PDS5B: variants seen among roughly 807,000 people sequenced by gnomAD.
PDS5B encodes PDS5 cohesin associated factor B, also known as sister chromatid cohesion protein PDS5 homolog B.
Under a neutral mutation model 184.1 loss-of-function variants are expected in PDS5B, and 51 were observed. The ratio of observed to expected loss-of-function variants is 0.28; its 90% CI spans 0.22 to 0.35. The LOEUF (loss-of-function observed/expected upper bound fraction) is 0.35. Among genes scored for constraint, PDS5B ranks in the 10% least tolerant of loss-of-function variants. PDS5B has a pLI of 1.00. For missense variants in PDS5B, 1,180 were observed against 1,723.3 expected (o/e 0.68, Z 5.58); for synonymous variants, 566 against 569.2 (o/e 0.99, Z 0.08).
intron 1 of PDS5B, among the ~76,000 whole-genome samples, chr13:32,610,534 T>G (rs768072036): frequency 3.9e-5 from 6 of 152,206 alleles, no homozygotes; most frequent in Non-Finnish European, 8.8e-5. Flanking sequence ...ATCTTTTCCT[T>G]CTTACACTTG....
At position 32,759,645 on chromosome 13, in the gene PDS5B, A is replaced by G; in HGVS notation, c.3327A>G (p.Lys1109=). 5 of 1,563,220 alleles carry G rather than the reference A, an allele frequency of 3.2e-6. No homozygotes were observed. Among genetic ancestry groups the G allele is most frequent in the Non-Finnish European group, 4.4e-6 (5 of 1,143,214 alleles). The change falls in exon 29 of 35, where the codon AAA becomes AAG. Residue 1109 remains lysine, a synonymous_variant. Coordinates refer to ENST00000315596, the MANE Select transcript of PDS5B (RefSeq NM_015032.4). ...TQPDKNFSNT[K]NYLPPEMKSF... ...GGTTGTAGAATTTCAGTAACACCAAAAATTATCTGCCTCCTGAAATGAAAT... is the reference window on the plus strand; with the variant it reads ...GGTTGTAGAATTTCAGTAACACCAAGAATTATCTGCCTCCTGAAATGAAAT...
At chr13:32,693,497 T>C (rs1373220797) in intron 13 of PDS5B, among the ~76,000 whole-genome samples, 1 of 151,800 alleles carries the variant, frequency 6.6e-6, no homozygotes, top group Non-Finnish European at 1.5e-5. Context: ...TACTGCTTTT[T>C]GGCAGTGCTT....
intron 13 of PDS5B, chr13:32,691,058 A>C (rs1263602561): frequency 6.6e-6 from 1 of 152,062 alleles, no homozygotes; most frequent in Non-Finnish European, 1.5e-5. Flanking sequence ...AAGCATAGTA[A>C]TAAAGTAAAA....
chr13:32,648,648 A>G (rs1204582563), intron 1 of PDS5B, 106 bp from the exon 2 acceptor site: 4 of 591,232 alleles, frequency 6.8e-6, no homozygotes, highest in African/African-American at 1.9e-5. Flanking sequence ...ACTATAAATT[A>G]GGAGGTAGTT....
intron 12 of PDS5B, among the ~76,000 whole-genome samples, 163 bp from the exon 13 acceptor site, chr13:32,688,293 C>T (rs914726103): frequency 6.6e-6 from 1 of 151,870 alleles, no homozygotes; most frequent in Non-Finnish European, 1.5e-5. Flanking sequence ...TGTTTTGGTC[C>T]CCTTCTATCT....
At chr13:32,747,194 T>C (rs1404235173) in intron 24 of PDS5B, among the ~76,000 whole-genome samples, 2 of 152,212 alleles carry the variant, frequency 1.3e-5, no homozygotes, top group Non-Finnish European at 2.9e-5. Flanking sequence ...AAAGGGACTT[T>C]CACATTAGTA....
chr13:32,766,695 A>T (rs1005190404), intron 31 of PDS5B, among the ~76,000 whole-genome samples: 1 of 152,208 alleles, frequency 6.6e-6, no homozygotes, highest in Non-Finnish European at 1.5e-5. Context: ...TATAAATAAA[A>T]TATTTTCCTG....
intron 1 of PDS5B, among the ~76,000 whole-genome samples, chr13:32,622,380 A>T (rs1381369755): frequency 2.6e-5 from 4 of 151,724 alleles, no homozygotes; most frequent in African/African-American, 4.8e-5. Context: ...TACTGACTTG[A>T]TTACATTTTA....
intron 33 of PDS5B, among the ~76,000 whole-genome samples, chr13:32,771,410 G>C (rs1954781162): frequency 6.6e-6 from 1 of 152,110 alleles, no homozygotes; most frequent in Non-Finnish European, 1.5e-5. Flanking sequence ...GTAATTTGCA[G>C]ATCTGACAGT....
At chr13:32,702,304 G>T (rs1389632427) in intron 17 of PDS5B, among the ~76,000 whole-genome samples, 2 of 152,076 alleles carry the variant, frequency 1.3e-5, no homozygotes, top group Non-Finnish European at 2.9e-5. Flanking sequence ...TCTTGTATCG[G>T]TTTTCATTTG....
chr13:32,604,710 T>C (rs1593248638), intron 1 of PDS5B, among the ~76,000 whole-genome samples: 1 of 152,214 alleles, frequency 6.6e-6, no homozygotes, highest in South Asian at 2.1e-4. Context: ...TCCTGGACTT[T>C]TTTTGGTTGG....
intron 1 of PDS5B, among the ~76,000 whole-genome samples, chr13:32,626,152 T>G (rs779616570): frequency 6.6e-6 from 1 of 152,162 alleles, no homozygotes; most frequent in African/African-American, 2.4e-5. Flanking sequence ...AGACCAGTAT[T>G]CAAGTGAGAT....
intron 1 of PDS5B, among the ~76,000 whole-genome samples, chr13:32,622,663 G>C (rs769111580): frequency 6.6e-6 from 1 of 152,124 alleles, no homozygotes; most frequent in Non-Finnish European, 1.5e-5. Flanking sequence ...ATGTTGGTTT[G>C]TCCCTCCGGG....
chr13:32,651,781 T>C, intron 2 of PDS5B, 23 bp from the exon 3 acceptor site: 1 of 1,445,490 alleles, frequency 6.9e-7, no homozygotes, highest in African/African-American at 1.4e-5. Flanking sequence ...CATTTCATTA[T>C]TTGATTTTTT....
intron 34 of PDS5B, among the ~76,000 whole-genome samples, chr13:32,773,943 A>G (rs769307923): frequency 6.6e-6 from 1 of 152,090 alleles, no homozygotes; most frequent in Admixed American, 6.5e-5. Context: ...AGCTGAGATT[A>G]CAGGCCAATG....
intron 19 of PDS5B, among the ~76,000 whole-genome samples, chr13:32,711,958 G>A (rs897862616): frequency 2.0e-5 from 3 of 152,172 alleles, no homozygotes; most frequent in South Asian, 2.1e-4. Flanking sequence ...TGTTCAAGTG[G>A]TAAATGGACC....
chr13:32,606,403 C>G (rs1442684385), intron 1 of PDS5B, among the ~76,000 whole-genome samples: 2 of 152,218 alleles, frequency 1.3e-5, no homozygotes, highest in African/African-American at 4.8e-5. Context: ...CCCCCACTCT[C>G]TTCTGGCTTG....
chr13:32,612,534 A>G (rs989051896), intron 1 of PDS5B, among the ~76,000 whole-genome samples: 1 of 152,112 alleles, frequency 6.6e-6, no homozygotes, highest in African/African-American at 2.4e-5. Context: ...GAAACCCTGC[A>G]CCTCTTAGCC....
At chr13:32,712,328 A>G (rs779431340) in intron 19 of PDS5B, among the ~76,000 whole-genome samples, 1 of 152,212 alleles carries the variant, frequency 6.6e-6, no homozygotes, top group African/African-American at 2.4e-5. Context: ...ACTTCTCATG[A>G]GGAGAATTAA....
Sources: allele counts gnomAD v4.1 joint callset (sites outside exome capture counted in the v4.1 genomes callset), GRCh38; gene constraint gnomAD v4.1.1; transcripts MANE v1.5; gene names NCBI Gene and HGNC (gene_info 2026-07-23, HGNC 2026-07-21).